Variants in ACOT11 observed in about 807,000 individuals in gnomAD.
ACOT11 encodes the protein acyl-coenzyme A thioesterase 11.
A neutral mutation model predicts 77.5 loss-of-function variants in ACOT11; 69 were observed. The observed-to-expected ratio is 0.89, with a 90% confidence interval of 0.73 to 1.09. The LOEUF is 1.09. Ranked by LOEUF, ACOT11 falls within the 50% of genes least tolerant of loss-of-function variation. The pLI is 0.00. For missense variants in ACOT11, 766 were observed against 813.7 expected (o/e 0.94, Z 0.71); for synonymous variants, 279 against 313.0 (o/e 0.89, Z 1.15).
chr1:54,601,559 T>G, intron 9 of ACOT11, 146 bp downstream of exon 9: 1 of 1,282,550 alleles, frequency 7.8e-7, no homozygotes. Context: ...CAGCTGAGTG[T>G]CCTGGCTGTG....
chr1:54,623,816 A>G (rs1644254270), intron 15 of ACOT11, among the ~76,000 whole-genome samples: 1 of 152,148 alleles, frequency 6.6e-6, no homozygotes, highest in Non-Finnish European at 1.5e-5. Flanking sequence ...CCTTCCGTGT[A>G]AAAGGAGGCA....
At chr1:54,552,733 T>G (rs1653112749) in intron 1 of ACOT11, among the ~76,000 whole-genome samples, 1 of 152,032 alleles carries the variant, frequency 6.6e-6, no homozygotes, top group Non-Finnish European at 1.5e-5. Context: ...GTGTTCTGCC[T>G]GCCTTGGCCT....
In ACOT11 at chr1:54,620,845, C is replaced by CAAAAAAAAAAA. The variant is rs767625864; in HGVS notation, c.1630-9867_1630-9857dup. 1.2e-3 allele frequency among the ~76,000 whole-genome samples: 15 copies of CAAAAAAAAAAA among 12,132 alleles called. 3 individuals are homozygous for CAAAAAAAAAAA. The highest frequency in any genetic ancestry group is 1.8e-3 in the Non-Finnish European group (12 of 6,668). The allele number at this position is 12,132 out of a possible 152,430, so 8.0% of individuals were successfully genotyped here. A position where few individuals can be genotyped will look rare whatever the true frequency, so the allele number is the denominator to read the frequency against. ...CCTGGATGACACAAAGAGACTCTGT[C>CAAAAAAAAAAA]AAAAAAAAAAAAAAAAAAAAAAAAA... On this transcript the variant is annotated intron_variant, in intron 15 of 16. Coordinates refer to the ACOT11 transcript ENST00000371316.
At chr1:54,599,959 G>A (rs912729281) in intron 8 of ACOT11, among the ~76,000 whole-genome samples, 2 of 152,150 alleles carry the variant, frequency 1.3e-5, no homozygotes, top group East Asian at 3.9e-4. Context: ...TGCCGGATTC[G>A]AGTTTGGCTC....
intron 1 of ACOT11, among the ~76,000 whole-genome samples, chr1:54,571,062 T>G (rs1242334981): frequency 7.3e-6 from 1 of 136,738 alleles, no homozygotes; most frequent in Admixed American, 6.9e-5. Flanking sequence ...ATTATGATAT[T>G]CTCTCTCTCT....
At chr1:54,589,014 C>G (rs1047842122) in intron 3 of ACOT11, among the ~76,000 whole-genome samples, 2 of 151,562 alleles carry the variant, frequency 1.3e-5, no homozygotes, top group Admixed American at 6.6e-5. Context: ...GGGCTAATAA[C>G]TCTTTTTATA....
rs1185032465 is a variant in ACOT11 at position 54,616,267 on chromosome 1, G to T, written c.1629+8199G>T. The T allele has an allele frequency of 5.0e-5, 55 of 1,098,736 alleles. No individual in the cohort carries two copies. The South Asian group carries it at 8.4e-4, about 17-fold the overall frequency. The allele number at this position is 1,098,736 out of a possible 1,614,324, so 68.1% of individuals were successfully genotyped here. On this transcript the variant is annotated intron_variant, in intron 15 of 16. Transcript: ENST00000371316. ...GCATTACAAATTACAGAACATTTGA[G>T]AAATACAGAAAAGTGGAAGAGGAAA...
chr1:54,554,347 ATATAT>A (rs1270156512), intron 1 of ACOT11, among the ~76,000 whole-genome samples: 9 of 98,386 alleles, frequency 9.1e-5, no homozygotes, highest in African/African-American at 3.2e-4. Flanking sequence ...ATATATATAT[ATATAT>A]TTTTTTTTTT....
At chr1:54,577,425 T>C (rs1654153607) in intron 1 of ACOT11, among the ~76,000 whole-genome samples, 1 of 152,244 alleles carries the variant, frequency 6.6e-6, no homozygotes, top group Non-Finnish European at 1.5e-5. Context: ...TTAGTATATC[T>C]TTTTGAAATT....
chr1:54,587,468 G>A (rs963344655), intron 3 of ACOT11, among the ~76,000 whole-genome samples: 10 of 148,096 alleles, frequency 6.8e-5, no homozygotes, highest in Middle Eastern at 3.2e-3. Flanking sequence ...AGCTGAGGTC[G>A]CACCACTGCA....
chr1:54,548,943 T>C (rs1652970202), intron 1 of ACOT11, among the ~76,000 whole-genome samples: 1 of 152,158 alleles, frequency 6.6e-6, no homozygotes, highest in Non-Finnish European at 1.5e-5. Context: ...CAGACCCAAG[T>C]GCCCAGCAGC....
At chr1:54,559,849 AG>A (rs1385728636) in intron 1 of ACOT11, among the ~76,000 whole-genome samples, 1 of 152,246 alleles carries the variant, frequency 6.6e-6, no homozygotes, top group East Asian at 1.9e-4. Flanking sequence ...CCCAAGCTCC[AG>A]CTGGGCAGGG....
At chr1:54,548,689 T>C (rs1055227759) in intron 1 of ACOT11, 26 of 350,704 alleles carry the variant, frequency 7.4e-5, no homozygotes, top group Non-Finnish European at 1.3e-4. Context: ...CATGGCCTTG[T>C]GGTGCTTCAT....
chr1:54,572,910 C>T (rs989798302), intron 1 of ACOT11: 1 of 985,142 alleles, frequency 1.0e-6, no homozygotes, highest in Non-Finnish European at 1.2e-6. Context: ...CTGAGGTTTC[C>T]TCCCACTCTG....
intron 1 of ACOT11, among the ~76,000 whole-genome samples, chr1:54,550,149 G>A (rs144501839): frequency 5.9e-5 from 9 of 152,354 alleles, no homozygotes; most frequent in African/African-American, 1.9e-4. Flanking sequence ...GAACCCAGCA[G>A]TTTGGCCCCA....
At chr1:54,596,839 T>A (rs1310035219) in intron 6 of ACOT11, among the ~76,000 whole-genome samples, 1 of 152,212 alleles carries the variant, frequency 6.6e-6, no homozygotes, top group Non-Finnish European at 1.5e-5. Context: ...CCTCCCAAAG[T>A]GCTGAGATTA....
intron 15 of ACOT11, among the ~76,000 whole-genome samples, chr1:54,622,109 A>G (rs2101026929): frequency 6.6e-6 from 1 of 150,778 alleles, no homozygotes; most frequent in East Asian, 2.0e-4. Flanking sequence ...CCCCGTCTCT[A>G]GTAAAAATAC....
At chr1:54,611,740 C>T (rs1392242272), downstream of ACOT11, 7 of 1,614,112 alleles carry the variant, frequency 4.3e-6, no homozygotes, top group Non-Finnish European at 4.2e-6. Flanking sequence ...CAGCGTCAGG[C>T]TGTACCTGGG....
intron 3 of ACOT11, among the ~76,000 whole-genome samples, chr1:54,589,535 A>G (rs1195760605): frequency 6.6e-6 from 1 of 152,152 alleles, no homozygotes; most frequent in African/African-American, 2.4e-5. Context: ...CAGTGGCACC[A>G]TCATAGCTCA....
Sources: gnomAD v4.1 joint callset for allele counts (sites outside exome capture counted in the v4.1 genomes callset) on GRCh38, gnomAD v4.1.1 for gene constraint, MANE v1.5 for transcripts, NCBI Gene and HGNC (gene_info 2026-07-23, HGNC 2026-07-21) for gene names.